Variants in LRIT3 observed in about 807,000 individuals in gnomAD.
The protein encoded by LRIT3 is leucine rich repeat, Ig-like and transmembrane domains 3.
Under a neutral mutation model 22.6 loss-of-function variants are expected in LRIT3, and 14 were observed. The observed-to-expected ratio is 0.62, with a 90% CI of 0.41 to 0.97. The LOEUF is 0.97. LRIT3 is among the 50% of genes least tolerant of loss of function. The probability of loss-of-function intolerance (pLI) is 0.00; values close to 1 mark genes in which losing one functional copy is unlikely to be tolerated. For missense variants in LRIT3, 783 were observed against 803.0 expected, an observed-to-expected ratio of 0.98 and a Z score of 0.30; for synonymous variants, 306 against 304.5, an observed-to-expected ratio of 1.01 and a Z score of -0.05.
At position 109,870,191 on chromosome 4, in the gene LRIT3, C is replaced by T. The variant is rs116570736; in HGVS notation, c.1442C>T (p.Thr481Met). The stretch of plus-strand genomic sequence containing the variant: ...GCATTGTTGGATCAAACAATGCTTA[C>T]GGAGACAAATGCCGCAATAGAAAAC... Reference protein sequence around the residue: ...ELALLDQTMLTETNAAIENLR... With the variant: ...ELALLDQTMLMETNAAIENLR... Residue 481 changes from threonine (T) to methionine (M), a missense_variant, in exon 4 of 4, where the codon ACG becomes ATG. Thr to Met is a moderately conservative substitution (Grantham distance 81). This residue lies in a region of LRIT3 where 756 missense variants were observed against 753.8 expected (regional missense o/e 1.00). Coordinates refer to ENST00000594814, the MANE Select transcript of LRIT3 (RefSeq NM_198506.5). 1,463 of 1,614,180 alleles carry T rather than the reference C, an allele frequency of 9.1e-4. 6 individuals are homozygous for T. The African/African-American group carries it at 0.012, about 13-fold the overall frequency.
rs1240989765 is a variant in LRIT3 at position 109,871,252 on chromosome 4, T to C, written c.*463T>C. The C allele has an allele frequency of 6.5e-6, 1 of 152,906 alleles. No homozygotes were observed. Among genetic ancestry groups the C allele is most frequent in the Non-Finnish European group, 1.5e-5 (1 of 68,578 alleles). The allele number at this position is 152,906 out of a possible 1,614,324, so 9.5% of individuals were successfully genotyped here. On this transcript the variant is annotated 3_prime_UTR_variant, in exon 4 of 4. Coordinates refer to ENST00000594814, the MANE Select transcript of LRIT3 (RefSeq NM_198506.5). ...GAGAGCGTGGGATCATAAAGGATTTTGTGTTCACTAAGGTTAAATCTAACT... is the reference window on the plus strand; with the variant it reads ...GAGAGCGTGGGATCATAAAGGATTTCGTGTTCACTAAGGTTAAATCTAACT...
At chr4:109,868,201 A>G (rs548471330) in intron 3 of LRIT3, among the ~76,000 whole-genome samples, 1 of 152,348 alleles carries the variant, frequency 6.6e-6, no homozygotes, top group South Asian at 2.1e-4. Context: ...TCAATGGCAG[A>G]CAAGGTCTTT....
intron 2 of LRIT3, among the ~76,000 whole-genome samples, chr4:109,857,753 T>G (rs1466764251): frequency 1.3e-5 from 2 of 152,198 alleles, no homozygotes; most frequent in African/African-American, 4.8e-5. Context: ...CAGTCAACAA[T>G]GGTGTAGTGA....
intron 2 of LRIT3, among the ~76,000 whole-genome samples, chr4:109,862,592 C>G (rs1734573729): frequency 6.6e-6 from 1 of 152,168 alleles, no homozygotes; most frequent in Admixed American, 6.5e-5. Context: ...ACCATTAATA[C>G]ATTTTTTAAT....
intron 2 of LRIT3, among the ~76,000 whole-genome samples, chr4:109,860,164 CTGTT>C (rs1459782390): frequency 6.6e-6 from 1 of 152,150 alleles, no homozygotes; most frequent in African/African-American, 2.4e-5. Context: ...AGTCCTGACA[CTGTT>C]TGTCTCAGAG....
At position 109,871,487 on chromosome 4, in the gene LRIT3, T is replaced by C. The variant is rs1340532269; in HGVS notation, c.*698T>C. On this transcript the variant is annotated 3_prime_UTR_variant, in exon 4 of 4. Transcript: ENST00000594814. ...TAAACACATCGACTGACAGATTATATGGATATTTAAAAATAACTTTAAATC... is the reference window on the plus strand; with the variant it reads ...TAAACACATCGACTGACAGATTATACGGATATTTAAAAATAACTTTAAATC... 1 of 152,226 alleles carries C rather than the reference T, an allele frequency of 6.6e-6. No homozygotes were observed. The highest frequency in any genetic ancestry group is 2.1e-4 in the South Asian group (1 of 4,830). 9.4% of individuals were successfully genotyped at this position (152,226 alleles called of 1,614,324 possible). A position where few individuals can be genotyped will look rare whatever the true frequency, so the allele number is the denominator to read the frequency against.
At chr4:109,850,480 T>TTTCTTTCC (rs1734220503) in intron 1 of LRIT3, among the ~76,000 whole-genome samples, 1 of 143,578 alleles carries the variant, frequency 7.0e-6, no homozygotes, top group Non-Finnish European at 1.5e-5. Flanking sequence ...TCTTTCTTTC[T>TTTCTTTCC]TTCTTTTCTA....
In LRIT3 at chr4:109,869,715, C is replaced by T. The variant is rs141753583; in HGVS notation, c.966C>T (p.Asp322=). The change falls in exon 4 of 4, where the codon GAC becomes GAT. Residue 322 remains aspartate (D), a synonymous_variant. Transcript: ENST00000594814. ...GCTTGACAGGCATTTCTTCCAAAGACGCTGGGGATTACAAATGTAAGGCCA... is the reference window on the plus strand; with the variant it reads ...GCTTGACAGGCATTTCTTCCAAAGATGCTGGGGATTACAAATGTAAGGCCA... ...IMSLTGISSK[D]AGDYKCKAKN... 61 of 1,608,784 alleles carry T rather than the reference C, an allele frequency of 3.8e-5. 1 individual carries two copies. Among genetic ancestry groups the T allele is most frequent in the Middle Eastern group, 1.7e-4 (1 of 6,024 alleles).
chr4:109,852,348 T>C (rs1734294605), intron 2 of LRIT3, among the ~76,000 whole-genome samples: 1 of 152,184 alleles, frequency 6.6e-6, no homozygotes, highest in Non-Finnish European at 1.5e-5. Flanking sequence ...TCAGTTTGCT[T>C]TTCAACTCTT....
intron 2 of LRIT3, among the ~76,000 whole-genome samples, chr4:109,854,648 C>T (rs547852007): frequency 4.6e-5 from 7 of 152,204 alleles, no homozygotes; most frequent in East Asian, 1.9e-4. Context: ...TGTCTTGTGC[C>T]GGTTTTCAGA....
chr4:109,860,266 A>G (rs1188967811), intron 2 of LRIT3, among the ~76,000 whole-genome samples: 2 of 152,200 alleles, frequency 1.3e-5, no homozygotes, highest in African/African-American at 2.4e-5. Context: ...AATTGTAAAC[A>G]TGGGCTCTTT....
chr4:109,850,124 T>C (rs372031212), intron 1 of LRIT3, among the ~76,000 whole-genome samples: 10 of 152,230 alleles, frequency 6.6e-5, no homozygotes, highest in African/African-American at 2.4e-4. Context: ...GAGCTGGTTT[T>C]TCAAATCCAC....
rs1023337274 is a variant in LRIT3, at chr4:109,871,915, A to G, written c.*1126A>G. 6.6e-6 allele frequency: 1 copy of G among 152,236 alleles called. No homozygotes were observed. Among genetic ancestry groups the G allele is most frequent in the Non-Finnish European group, 1.5e-5 (1 of 68,036 alleles). The allele number at this position is 152,236 out of a possible 1,614,324, so 9.4% of individuals were successfully genotyped here. On this transcript the variant is annotated 3_prime_UTR_variant, in exon 4 of 4. Transcript: ENST00000594814. ...TATTTTAATAACTGTAGTATACTAC[A>G]AGAAACATCTCATGGCTTTAAGATT...
intron 1 of LRIT3, among the ~76,000 whole-genome samples, chr4:109,849,600 G>A (rs965053074): frequency 2.0e-5 from 3 of 151,772 alleles, no homozygotes; most frequent in African/African-American, 7.3e-5. Flanking sequence ...ATAGCATGCT[G>A]AGATACTTAT....
At chr4:109,850,422 C>CTTTCTTTCCTTCTTTCTTTCTTT (rs1553922077) in intron 1 of LRIT3, among the ~76,000 whole-genome samples, 1 of 55,088 alleles carries the variant, frequency 1.8e-5, no homozygotes, top group South Asian at 7.3e-4. Context: ...TTCCTTCCTT[C>CTTTCTTTCCTTCTTTCTTTCTTT]CTTTCTTTCT....
At chr4:109,863,542 C>T (rs1734600862) in intron 2 of LRIT3, among the ~76,000 whole-genome samples, 1 of 152,184 alleles carries the variant, frequency 6.6e-6, no homozygotes, top group Admixed American at 6.5e-5. Context: ...TTATTCTGCA[C>T]TATCTTTTCA....
rs79339791 is a variant in LRIT3 at position 109,864,665 on chromosome 4, G to A, written c.590-2976G>A. Among the ~76,000 whole-genome samples the A allele has an allele frequency of 1.9e-3, 294 of 152,128 alleles. 4 individuals carry two copies. Among genetic ancestry groups the A allele is most frequent in the African/African-American group, 6.7e-3 (279 of 41,494 alleles). ...ATAATAACATTTACATGTATATAAG[G>A]CAAAACTGGTTAATGTGAAAAATAC... On this transcript the variant is annotated intron_variant, in intron 2 of 3. Transcript: ENST00000594814.
intron 2 of LRIT3, among the ~76,000 whole-genome samples, chr4:109,867,398 G>A (rs1469311124): frequency 1.3e-5 from 2 of 152,238 alleles, no homozygotes; most frequent in South Asian, 4.2e-4. Context: ...ACATAATCTA[G>A]CACAGAGTGA....
Position 109,851,588 on chromosome 4 carries a change from T to C in LRIT3, c.201T>C (p.Thr67=), listed in dbSNP as rs977242230. The C allele has an allele frequency of 6.4e-7, 1 of 1,551,900 alleles. No individual in the cohort carries two copies. Among genetic ancestry groups the C allele is most frequent in the Non-Finnish European group, 8.7e-7 (1 of 1,147,040 alleles). Residue 67 remains threonine (T), a synonymous_variant, in exon 2 of 4, where the codon ACT becomes ACC. Transcript: ENST00000594814. ...CTGTGAAGCTTCGCATAGAGAAGAC[T>C]GTCATCCGCAGAATCTCTGCGGAGG... ...VDTVKLRIEK[T]VIRRISAEAF...
Sources: allele counts gnomAD v4.1 joint callset (sites outside exome capture counted in the v4.1 genomes callset), GRCh38; gene constraint gnomAD v4.1.1; regional missense constraint gnomAD v4.1.1; transcripts MANE v1.5; gene names NCBI Gene and HGNC (gene_info 2026-07-23, HGNC 2026-07-21).